The following LTBP1 variants were observed in gnomAD, a reference collection of about 807,000 sequenced individuals.
The protein encoded by LTBP1 is latent transforming growth factor beta binding protein 1, also known as latent-transforming growth factor beta-binding protein 1.
LTBP1 carries 129 observed loss-of-function variants against 207.6 expected under a neutral mutation model. The observed-to-expected ratio is 0.62, with a 90% CI of 0.54 to 0.72. The LOEUF (loss-of-function observed/expected upper bound fraction) is 0.72, where lower values mean the gene tolerates loss of function less well. Among genes scored for constraint, LTBP1 ranks in the 30% least tolerant of loss-of-function variants. The pLI is 0.00. For missense variants in LTBP1, 2,281 were observed against 2,217.2 expected (o/e 1.03, Z -0.58); for synonymous variants, 963 against 833.7 (o/e 1.16, Z -2.67).
At chr2:32,956,633 C>T (rs980288572) in intron 2 of LTBP1, among the ~76,000 whole-genome samples, 3 of 152,214 alleles carry the variant, frequency 2.0e-5, no homozygotes, top group Admixed American at 1.3e-4. Context: ...GAATCAGCTT[C>T]TTCCAAACTC....
At position 33,280,064 on chromosome 2, in the gene LTBP1, C is replaced by T. The variant is rs1356526681; in HGVS notation, c.3018C>T (p.Ser1006=). The T allele has an allele frequency of 6.2e-7, 1 of 1,614,134 alleles. No homozygotes were observed. Among genetic ancestry groups the T allele is most frequent in the African/African-American group, 1.3e-5 (1 of 75,064 alleles). ...CEDIDECLNP[S]TCPDEQCVNS... is the part of the protein sequence containing the mutation. Reference sequence around the variant, plus strand: ...ATATTGATGAATGTTTGAATCCAAGCACTTGTCCAGATGAGCAGTGTGTGA... The same window carrying T: ...ATATTGATGAATGTTTGAATCCAAGTACTTGTCCAGATGAGCAGTGTGTGA... Residue 1006 remains serine, a synonymous_variant, in exon 19 of 34, where the codon AGC becomes AGT. Coordinates refer to ENST00000404816, the MANE Select transcript of LTBP1 (RefSeq NM_206943.4).
intron 2 of LTBP1, among the ~76,000 whole-genome samples, chr2:32,988,999 A>G (rs1012522955): frequency 3.3e-5 from 5 of 152,220 alleles, no homozygotes; most frequent in African/African-American, 1.2e-4. Flanking sequence ...TTTGAATTCC[A>G]AAATGACGGC....
chr2:33,091,460 A>C (rs1432653755), intron 3 of LTBP1, among the ~76,000 whole-genome samples: 1 of 152,176 alleles, frequency 6.6e-6, no homozygotes, highest in Non-Finnish European at 1.5e-5. Flanking sequence ...CCATGAGTAG[A>C]AGAGCTGAGG....
At chr2:33,387,705 C>G (rs1171361716) in intron 31 of LTBP1, among the ~76,000 whole-genome samples, 1 of 151,174 alleles carries the variant, frequency 6.6e-6, no homozygotes, top group East Asian at 2.0e-4. Flanking sequence ...TAAAAGAAAG[C>G]CTTCAGGGTT....
At chr2:33,281,867 G>T (rs912480607) in intron 19 of LTBP1, among the ~76,000 whole-genome samples, 9 of 151,908 alleles carry the variant, frequency 5.9e-5, no homozygotes, top group African/African-American at 2.2e-4. Context: ...GGTTCCATGC[G>T]TATTCTCATT....
intron 5 of LTBP1, among the ~76,000 whole-genome samples, chr2:33,174,575 T>C (rs1421353463): frequency 6.6e-6 from 1 of 152,038 alleles, no homozygotes. Context: ...AAAATGGCCA[T>C]ACTGCCCAAG....
intron 11 of LTBP1, among the ~76,000 whole-genome samples, chr2:33,255,242 A>G (rs957358530): frequency 5.9e-5 from 9 of 151,808 alleles, no homozygotes; most frequent in Non-Finnish European, 7.4e-5. Flanking sequence ...CCATGTCCCT[A>G]CAAAGGACAT....
intron 15 of LTBP1, among the ~76,000 whole-genome samples, chr2:33,272,306 T>C (rs1430194318): frequency 6.6e-6 from 1 of 152,220 alleles, no homozygotes; most frequent in Non-Finnish European, 1.5e-5. Flanking sequence ...CCTGCTTTTC[T>C]TCTCATTCAA....
chr2:33,075,335 TA>T (rs2078024463), intron 3 of LTBP1, among the ~76,000 whole-genome samples: 1 of 152,328 alleles, frequency 6.6e-6, no homozygotes, highest in South Asian at 2.1e-4. Flanking sequence ...GATTTAAAAA[TA>T]TTTTTTGGGG....
chr2:33,004,786 AATATAT>A lies in LTBP1; in HGVS notation c.566-16099_566-16094del, dbSNP rs34777461. Among the ~76,000 whole-genome samples, 373 of 101,090 alleles carry A rather than the reference AATATAT, an allele frequency of 3.7e-3. 9 individuals are homozygous for A. Among genetic ancestry groups the A allele is most frequent in the African/African-American group, 0.011 (305 of 28,602 alleles). 66.3% of individuals were successfully genotyped at this position (101,090 alleles called of 152,430 possible). On this transcript the variant is annotated intron_variant, in intron 2 of 33. Transcript: ENST00000404816. ...TGAGCCTCAGTCTCAAAAAAAAAGG[AATATAT>A]ATATATATATATATATATATATAAA...
chr2:33,321,310 A>G (rs1041965087), intron 24 of LTBP1, among the ~76,000 whole-genome samples: 3 of 152,068 alleles, frequency 2.0e-5, no homozygotes, highest in African/African-American at 7.2e-5. Flanking sequence ...ACTATAAATC[A>G]CTCCTTGCTT....
At chr2:32,975,641 G>A (rs541933402) in intron 2 of LTBP1, among the ~76,000 whole-genome samples, 1 of 106,288 alleles carries the variant, frequency 9.4e-6, no homozygotes, top group East Asian at 3.4e-4. Context: ...GGTTAATTCA[G>A]AGAATCAGTG....
chr2:33,178,718 A>G (rs1397649523), intron 5 of LTBP1, among the ~76,000 whole-genome samples: 1 of 152,252 alleles, frequency 6.6e-6, no homozygotes, highest in Non-Finnish European at 1.5e-5. Context: ...AACTAAACCA[A>G]TGGTTAAAAT....
chr2:33,275,704 T>C (rs1423710818), intron 17 of LTBP1, 97 bp from the exon 18 acceptor site: 1 of 1,453,390 alleles, frequency 6.9e-7, no homozygotes, highest in Non-Finnish European at 9.5e-7. Context: ...AAGAAATCAG[T>C]TACTTCGTTA....
Position 32,993,724 on chromosome 2 carries a change from C to T in LTBP1, c.566-27185C>T, listed in dbSNP as rs576523456. On this transcript the variant is annotated intron_variant, in intron 2 of 33. Transcript: ENST00000404816. ...TTCCTGGTACTGTGAACCCAGGGAA[C>T]CCAAGAAGGGAAGCGCTGGGGGTCA... is the stretch of plus-strand genomic sequence containing the variant. Among the ~76,000 whole-genome samples, 83 of 152,246 alleles carry T rather than the reference C, an allele frequency of 5.5e-4. 1 individual carries two copies. The South Asian group carries it at 0.017, about 31-fold the overall frequency.
intron 2 of LTBP1, among the ~76,000 whole-genome samples, chr2:33,010,209 G>A (rs1198061834): frequency 6.6e-6 from 1 of 152,204 alleles, no homozygotes; most frequent in Admixed American, 6.5e-5. Context: ...GCAGCCTGGA[G>A]GCCACTGATG....
chr2:33,152,265 A>G (rs2083599726), intron 5 of LTBP1, among the ~76,000 whole-genome samples: 1 of 152,202 alleles, frequency 6.6e-6, no homozygotes. Context: ...AAGGACGTGA[A>G]TGGACAATTC....
intron 32 of LTBP1, among the ~76,000 whole-genome samples, chr2:33,389,985 G>T (rs1012218873): frequency 6.6e-6 from 1 of 152,186 alleles, no homozygotes; most frequent in Non-Finnish European, 1.5e-5. Flanking sequence ...TCTTTAAGTG[G>T]TGGACTAGTT....
chr2:33,352,592 G>T (rs1033796984), intron 26 of LTBP1, among the ~76,000 whole-genome samples: 1 of 152,072 alleles, frequency 6.6e-6, no homozygotes, highest in African/African-American at 2.4e-5. Flanking sequence ...ACTTCCCTGG[G>T]TCAGTCTTTC....
Sources: allele counts gnomAD v4.1 joint callset (sites outside exome capture counted in the v4.1 genomes callset), GRCh38; gene constraint gnomAD v4.1.1; transcripts MANE v1.5; gene names NCBI Gene and HGNC (gene_info 2026-07-23, HGNC 2026-07-21).